The following NSD2 variants were observed in gnomAD, a reference collection of about 807,000 sequenced individuals.
The protein encoded by NSD2 is nuclear receptor binding SET domain protein 2, also known as histone-lysine N-methyltransferase NSD2.
In NSD2, 12 loss-of-function variants were observed where a neutral mutation model predicts 139.0. That is an observed-to-expected ratio of 0.09 (90% CI 0.06 to 0.14). The LOEUF is 0.14. Ranked by LOEUF, NSD2 falls within the 10% of genes least tolerant of loss-of-function variation. The pLI is 1.00. For missense variants in NSD2, 1,155 were observed against 1,745.0 expected (o/e 0.66, Z 6.02); for synonymous variants, 669 against 648.7 (o/e 1.03, Z -0.48).
In NSD2 at chr4:1,930,693, T is replaced by A; in HGVS notation, c.1478T>A (p.Leu493Gln). The A allele has an allele frequency of 6.2e-7, 1 of 1,614,012 alleles. No homozygotes were observed. The highest frequency in any genetic ancestry group is 8.5e-7 in the Non-Finnish European group (1 of 1,179,978). ...IEELLRSQWS[L>Q]LSEKQRARYN... ...GAGCTGCTCAGGTCACAGTGGAGTC[T>A]GCTGAGTGAGAAGCAGAGAGCACGC... is the stretch of plus-strand genomic sequence containing the variant. Residue 493 changes from leucine (L) to glutamine (Q), a missense_variant, in exon 6 of 22, where the codon CTG becomes CAG. By Grantham distance (113) the Leu-to-Gln change is moderately radical. This residue lies in a region of NSD2 where 420 missense variants were observed against 469.0 expected (regional missense o/e 0.90). Transcript: ENST00000508803.
At chr4:1,925,674 C>T (rs767916164) in intron 5 of NSD2, among the ~76,000 whole-genome samples, 3 of 151,872 alleles carry the variant, frequency 2.0e-5, no homozygotes, top group Admixed American at 6.6e-5. Context: ...CCTGGGATTA[C>T]AGGCCTGAGC....
At chr4:1,945,121 C>T (rs943330136) in intron 9 of NSD2, 1 of 1,066,518 alleles carries the variant, frequency 9.4e-7, no homozygotes, top group African/African-American at 1.6e-5. Flanking sequence ...TCCGAGAGGT[C>T]CCCGCAGCTC....
intron 1 of NSD2, among the ~76,000 whole-genome samples, chr4:1,896,819 T>C (rs986871234): frequency 5.9e-5 from 9 of 151,962 alleles, no homozygotes; most frequent in Non-Finnish European, 1.3e-4. Context: ...TTTCTTTCTT[T>C]CTTTTCCTTT....
chr4:1,976,509 A>G lies in NSD2; in HGVS notation c.3656A>G (p.Lys1219Arg). 1 of 1,613,958 alleles carries G rather than the reference A, an allele frequency of 6.2e-7. No homozygotes were observed. The highest frequency in any genetic ancestry group is 8.5e-7 in the Non-Finnish European group (1 of 1,179,958). Residue 1219 changes from lysine (K) to arginine (R), a missense_variant, in exon 21 of 22, where the codon AAA becomes AGA. Physicochemically the swap from Lys to Arg is conservative, Grantham distance 26. This residue lies in a region of NSD2 where 39 missense variants were observed against 43.5 expected (regional missense o/e 0.90). Coordinates refer to ENST00000508803, the MANE Select transcript of NSD2 (RefSeq NM_001042424.3). The surrounding 1 kb of genome is among the most constrained non-coding windows in gnomAD (Gnocchi z 5.3). ...STTLSSEEKG[K>R]KTKKKTRRRR... ...ACCCTTTCATCAGAGGAAAAGGGCA[A>G]AAAGACCAAGAAGAAAACGAGGCGG...
chr4:1,888,722 C>T (rs1250215020), intron 1 of NSD2, among the ~76,000 whole-genome samples: 1 of 150,234 alleles, frequency 6.7e-6, no homozygotes, highest in African/African-American at 2.5e-5. Flanking sequence ...GAACCCACTG[C>T]GCCTGGCTAA....
In NSD2 at chr4:1,948,673, G is replaced by A. The variant is rs965291308; in HGVS notation, c.1882-2399G>A. 6.0e-5 allele frequency: 63 copies of A among 1,057,288 alleles called. No homozygotes were observed. Among genetic ancestry groups the A allele is most frequent in the Middle Eastern group, 4.2e-4 (1 of 2,370 alleles). 65.5% of individuals were successfully genotyped at this position (1,057,288 alleles called of 1,614,324 possible). ...TCAGGAAATGAGCCTCATGTGTGTC[G>A]TTAACATTTATATATTTCCATTCAA... On this transcript the variant is annotated intron_variant, in intron 9 of 21. Coordinates refer to ENST00000508803, the MANE Select transcript of NSD2 (RefSeq NM_001042424.3). This position sits in a 1 kb window ranked among gnomAD's most constrained non-coding sequence, Gnocchi z 4.5.
rs187681609 is a variant in NSD2 at position 1,958,683 on chromosome 4, C to T, written c.2985+647C>T. The stretch of plus-strand genomic sequence containing the variant: ...TTGCTTGTAAAATGTGGGCTGCAGT[C>T]AATATCTTTGTATGTAAAGAAAGTG... On this transcript the variant is annotated intron_variant, in intron 16 of 21. Transcript: ENST00000508803. This position sits in a 1 kb window ranked among gnomAD's most constrained non-coding sequence, Gnocchi z 4.6. 6.6e-6 allele frequency among the ~76,000 whole-genome samples: 1 copy of T among 152,230 alleles called. No individual in the cohort carries two copies. The highest frequency in any genetic ancestry group is 1.5e-5 in the Non-Finnish European group (1 of 68,040).
intron 6 of NSD2, among the ~76,000 whole-genome samples, chr4:1,931,419 G>A (rs1721618339): frequency 6.6e-6 from 1 of 152,204 alleles, no homozygotes; most frequent in Non-Finnish European, 1.5e-5. Context: ...TTGAAGATGT[G>A]TAACAGTGGT....
intron 1 of NSD2, among the ~76,000 whole-genome samples, chr4:1,890,227 T>C (rs1715424677): frequency 6.6e-6 from 1 of 152,156 alleles, no homozygotes; most frequent in Non-Finnish European, 1.5e-5. Context: ...TGATAGACAG[T>C]TGGGTTGCTT....
Position 1,939,789 on chromosome 4 carries a change from A to G in NSD2, c.1881+11A>G. On this transcript the variant is annotated intron_variant, in intron 9 of 21. Transcript: ENST00000508803. ...TTAACTGAGAATGAGGTAAAATAAT[A>G]ATAATAACGATAACCATGGCATTGG... is the stretch of plus-strand genomic sequence containing the variant. 1.9e-6 allele frequency: 3 copies of G among 1,614,200 alleles called. No homozygotes were observed. Among genetic ancestry groups the G allele is most frequent in the Middle Eastern group, 3.3e-4 (2 of 6,062 alleles).
At position 1,981,967 on chromosome 4, in the gene NSD2, G is replaced by A. The variant is rs1727811157; in HGVS notation, c.*3058G>A. ...TACAAACTTAAATGTGCCTATTGGT[G>A]TCTAAACTTCATACAATGTAAGGTC... On this transcript the variant is annotated 3_prime_UTR_variant, in exon 22 of 22. Coordinates refer to ENST00000508803, the MANE Select transcript of NSD2 (RefSeq NM_001042424.3). The A allele has an allele frequency of 7.5e-6, 3 of 398,574 alleles. No individual in the cohort carries two copies. Among genetic ancestry groups the A allele is most frequent in the Non-Finnish European group, 1.3e-5 (3 of 226,052 alleles). 24.7% of individuals were successfully genotyped at this position (398,574 alleles called of 1,614,324 possible). A position where few individuals can be genotyped will look rare whatever the true frequency, so the allele number is the denominator to read the frequency against.
chr4:1,948,743 G>A lies in NSD2; in HGVS notation c.1882-2329G>A. ...TTTCCTCAAAACAGACTTTGTTAAT[G>A]TAGGAAATCTCTCCAAGTGGAAACG... On this transcript the variant is annotated intron_variant, in intron 9 of 21. Transcript: ENST00000508803. This position sits in a 1 kb window ranked among gnomAD's most constrained non-coding sequence, Gnocchi z 4.5. The A allele has an allele frequency of 9.5e-6, 10 of 1,048,972 alleles. No homozygotes were observed. Among genetic ancestry groups the A allele is most frequent in the Non-Finnish European group, 1.0e-5 (9 of 868,058 alleles). The allele number at this position is 1,048,972 out of a possible 1,614,324, so 65.0% of individuals were successfully genotyped here.
intron 8 of NSD2, among the ~76,000 whole-genome samples, chr4:1,938,864 T>C (rs1295623471): frequency 6.6e-6 from 1 of 152,248 alleles, no homozygotes; most frequent in Non-Finnish European, 1.5e-5. Context: ...ATGGTGCCAG[T>C]TGCTACTGTA....
At chr4:1,960,807 A>G (rs11937262) in intron 17 of NSD2, among the ~76,000 whole-genome samples, 10,212 of 152,102 alleles carry the variant, frequency 0.067, 1,186 homozygotes, top group African/African-American at 0.24. Context: ...GGGTTGGCAT[A>G]TTGCCACTTC....
intron 17 of NSD2, 54 bp downstream of exon 17, chr4:1,959,794 A>G: frequency 6.3e-7 from 1 of 1,593,202 alleles, no homozygotes; most frequent in Non-Finnish European, 8.6e-7. Flanking sequence ...TCACTGGGTA[A>G]TTAGGCCTAG....
chr4:1,900,535 C>A lies in NSD2; in HGVS notation c.-29-91C>A, dbSNP rs954690727. 8.0e-6 allele frequency: 6 copies of A among 748,840 alleles called. No homozygotes were observed. The African/African-American group carries it at 1.1e-4, about 13-fold the overall frequency. 46.4% of individuals were successfully genotyped at this position (748,840 alleles called of 1,614,324 possible). A position where few individuals can be genotyped will look rare whatever the true frequency, so the allele number is the denominator to read the frequency against. On this transcript the variant is annotated intron_variant, in intron 1 of 21. Coordinates refer to ENST00000508803, the MANE Select transcript of NSD2 (RefSeq NM_001042424.3). ...TAAATTGCTTACAAAGAAAATCAGA[C>A]CCCACAAAGCTGTAGAGGTCCTGGC... is the stretch of plus-strand genomic sequence containing the variant.
rs542559216 is a variant in NSD2, at chr4:1,911,328, C to G, written c.761-5543C>G. On this transcript the variant is annotated intron_variant, in intron 3 of 21. Coordinates refer to ENST00000508803, the MANE Select transcript of NSD2 (RefSeq NM_001042424.3). ...GAGGGCCAGGTGCAGTGGCTCATGC[C>G]TATAATCCCAGCACTTTGGGAGGCC... Among the ~76,000 whole-genome samples the G allele has an allele frequency of 2.6e-5, 4 of 152,086 alleles. No individual in the cohort carries two copies. In the East Asian group the frequency reaches 7.7e-4, roughly 29 times the overall value.
intron 17 of NSD2, 92 bp from the exon 18 acceptor site, chr4:1,960,943 G>A (rs553853615): frequency 2.9e-5 from 28 of 954,318 alleles, no homozygotes; most frequent in East Asian, 2.7e-4. Flanking sequence ...TGTGGTGCCC[G>A]TTCTAAGTGA....
At chr4:1,931,464 T>A (rs1024319529) in intron 6 of NSD2, among the ~76,000 whole-genome samples, 2 of 152,126 alleles carry the variant, frequency 1.3e-5, no homozygotes, top group African/African-American at 4.8e-5. Flanking sequence ...GGATGTAAAT[T>A]GTGGAAAACT....
Sources: gnomAD v4.1 joint callset for allele counts (sites outside exome capture counted in the v4.1 genomes callset) on GRCh38, gnomAD v4.1.1 for gene constraint, gnomAD v4.1.1 regional missense constraint, Gnocchi (gnomAD v3.1) non-coding constraint, MANE v1.5 for transcripts, NCBI Gene and HGNC (gene_info 2026-07-23, HGNC 2026-07-21) for gene names.